CYGB: variants seen among roughly 807,000 people sequenced by gnomAD.
CYGB encodes histoglobin.
Under a neutral mutation model 20.7 loss-of-function variants are expected in CYGB, and 13 were observed. The observed-to-expected ratio is 0.63, with a 90% CI of 0.41 to 1.00. The LOEUF is 1.00. Among genes scored for constraint, CYGB ranks in the 50% least tolerant of loss-of-function variants. The pLI is 0.00. For missense variants in CYGB, 218 were observed against 257.2 expected, an observed-to-expected ratio of 0.85 and a Z score of 1.04; for synonymous variants, 93 against 107.4, an observed-to-expected ratio of 0.87 and a Z score of 0.83.
At chr17:76,529,505 C>T (rs1297729514) in intron 3 of CYGB, 2 of 985,356 alleles carry the variant, frequency 2.0e-6, no homozygotes, top group Non-Finnish European at 2.4e-6. Context: ...GTTTCTGATT[C>T]ACTGGGGCTC....
chr17:76,529,843 C>G (rs947456642), intron 3 of CYGB: 3 of 985,214 alleles, frequency 3.0e-6, no homozygotes, highest in Non-Finnish European at 3.6e-6. Flanking sequence ...CTGTGCACAT[C>G]TGGAGTTGGC....
Position 76,528,891 on chromosome 17 carries a change from T to G in CYGB, c.540-280A>C. On this transcript the variant is annotated intron_variant, in intron 3 of 3. Transcript: ENST00000293230. This position sits in a 1 kb window ranked among gnomAD's most constrained non-coding sequence, Gnocchi z 5.8. ...GTGACATAAACTGGGTAAAAAAGTGTTTCACAAACTGCAAAGCACGATACC... is the reference window on the plus strand; with the variant it reads ...GTGACATAAACTGGGTAAAAAAGTGGTTCACAAACTGCAAAGCACGATACC... The G allele has an allele frequency of 8.3e-7, 1 of 1,209,136 alleles. No individual in the cohort carries two copies. Among genetic ancestry groups the G allele is most frequent in the Middle Eastern group, 3.2e-4 (1 of 3,132 alleles). 74.9% of individuals were successfully genotyped at this position (1,209,136 alleles called of 1,614,324 possible).
chr17:76,531,184 C>T lies in CYGB; in HGVS notation c.376-42G>A. ...GAAGGGGGAGTGAACGCCCGGGCGC[C>T]CTGCGTCCTGCAACCCCCAGGCCCC... is the stretch of plus-strand genomic sequence containing the variant. On this transcript the variant is annotated intron_variant, in intron 2 of 3. Transcript: ENST00000293230. This position sits in a 1 kb window ranked among gnomAD's most constrained non-coding sequence, Gnocchi z 7.4. The T allele has an allele frequency of 1.3e-6, 2 of 1,585,554 alleles. No individual in the cohort carries two copies. Among genetic ancestry groups the T allele is most frequent in the Non-Finnish European group, 1.7e-6 (2 of 1,161,372 alleles).
rs1953042522 is a variant in CYGB at position 76,533,051 on chromosome 17, T to C, written c.144-1360A>G. Among the ~76,000 whole-genome samples the C allele has an allele frequency of 6.6e-6, 1 of 151,742 alleles. No individual in the cohort carries two copies. Among genetic ancestry groups the C allele is most frequent in the African/African-American group, 2.4e-5 (1 of 41,244 alleles). Reference sequence around the variant, plus strand: ...GCGGAAGTAGCCCTTTGGCCAGGAGTCGAGTCTCAGATGTGAGGGCTGGAA... The same window carrying C: ...GCGGAAGTAGCCCTTTGGCCAGGAGCCGAGTCTCAGATGTGAGGGCTGGAA... On this transcript the variant is annotated intron_variant, in intron 1 of 3. Transcript: ENST00000293230. The surrounding 1 kb of genome is among the most constrained non-coding windows in gnomAD (Gnocchi z 4.5).
upstream of CYGB, chr17:76,540,618 A>C (rs760576486): frequency 5.0e-6 from 8 of 1,588,164 alleles, no homozygotes; most frequent in African/African-American, 6.7e-5. The surrounding 1 kb of genome is among the most constrained non-coding windows in gnomAD (Gnocchi z 5.0). Context: ...GCTGCCAAGG[A>C]AGCTGTGGCT....
Position 76,528,676 on chromosome 17 carries a change from A to AG in CYGB, c.540-66dup. On this transcript the variant is annotated intron_variant, in intron 3 of 3. Coordinates refer to ENST00000293230, the MANE Select transcript of CYGB (RefSeq NM_134268.5). The surrounding 1 kb of genome is among the most constrained non-coding windows in gnomAD (Gnocchi z 5.8). The stretch of plus-strand genomic sequence containing the variant: ...AGGCAGGGAAGGACCCTCGGGGGAA[A>AG]GGGGGAGGACCTGGGGCTGGCGAGG... 1 of 1,237,888 alleles carries AG rather than the reference A, an allele frequency of 8.1e-7. No individual in the cohort carries two copies. Among genetic ancestry groups the AG allele is most frequent in the Non-Finnish European group, 1.0e-6 (1 of 976,754 alleles). The allele number at this position is 1,237,888 out of a possible 1,614,324, so 76.7% of individuals were successfully genotyped here.
At chr17:76,540,506 G>T, upstream of CYGB, 2 of 1,613,646 alleles carry the variant, frequency 1.2e-6, no homozygotes, top group Non-Finnish European at 1.7e-6. This position sits in a 1 kb window ranked among gnomAD's most constrained non-coding sequence, Gnocchi z 5.0. Flanking sequence ...CTCCCACAGA[G>T]AGCCCAGCGA....
chr17:76,532,894 G>A (rs1443662819), intron 1 of CYGB, among the ~76,000 whole-genome samples: 1 of 152,188 alleles, frequency 6.6e-6, no homozygotes, highest in East Asian at 1.9e-4. Flanking sequence ...TGAGACATGG[G>A]CACCGACTCA....
intron 1 of CYGB, chr17:76,545,209 C>G (rs957247324): frequency 2.2e-6 from 1 of 456,800 alleles, no homozygotes; most frequent in Admixed American, 2.3e-5. Context: ...ATTTGCAGCT[C>G]CTGCTGCAGA....
At chr17:76,547,134 T>C (rs1269674037) in intron 1 of CYGB, 1 of 152,318 alleles carries the variant, frequency 6.6e-6, no homozygotes. Flanking sequence ...CAGACCAGAC[T>C]CTAGGCCCTG....
intron 3 of CYGB, chr17:76,529,656 C>T (rs2074811037): frequency 1.0e-6 from 1 of 985,250 alleles, no homozygotes; most frequent in African/African-American, 1.7e-5. Flanking sequence ...GGTGGGAGGG[C>T]AGGCAAGCCC....
intron 1 of CYGB, among the ~76,000 whole-genome samples, chr17:76,536,043 T>C (rs2074909839): frequency 6.6e-6 from 1 of 152,164 alleles, no homozygotes; most frequent in Non-Finnish European, 1.5e-5. Flanking sequence ...AATGTGCTTG[T>C]GTGGGTGCCA....
At chr17:76,540,670 T>C, upstream of CYGB, 1 of 1,227,854 alleles carries the variant, frequency 8.1e-7, no homozygotes. The surrounding 1 kb of genome is among the most constrained non-coding windows in gnomAD (Gnocchi z 5.0). Flanking sequence ...TGCGCGCCTG[T>C]GCGTGCACCG....
At chr17:76,540,633 A>T, upstream of CYGB, 1 of 1,544,632 alleles carries the variant, frequency 6.5e-7, no homozygotes, top group Non-Finnish European at 8.9e-7. This position sits in a 1 kb window ranked among gnomAD's most constrained non-coding sequence, Gnocchi z 5.0. Flanking sequence ...GTGGCTGTGC[A>T]TGCCTGGGGG....
At chr17:76,538,415 C>G, upstream of CYGB, 1 of 436,746 alleles carries the variant, frequency 2.3e-6, no homozygotes, top group South Asian at 1.6e-5. Flanking sequence ...GCCTGCGCCC[C>G]CTCTCCTTCC....
chr17:76,541,318 G>C (rs987786278), upstream of CYGB, among the ~76,000 whole-genome samples: 2 of 152,194 alleles, frequency 1.3e-5, no homozygotes, highest in African/African-American at 4.8e-5. Context: ...TCTGAAGAGT[G>C]ACTTTTTTGC....
chr17:76,536,277 C>T (rs1000985664), intron 1 of CYGB, among the ~76,000 whole-genome samples: 3 of 152,166 alleles, frequency 2.0e-5, no homozygotes, highest in Non-Finnish European at 4.4e-5. Context: ...GGAGCTGGGT[C>T]GGTCCCAGGC....
At position 76,530,869 on chromosome 17, in the gene CYGB, G is replaced by T. The variant is rs764115111; in HGVS notation, c.539+110C>A. The T allele has an allele frequency of 8.0e-5, 103 of 1,285,222 alleles. No individual in the cohort carries two copies. Among genetic ancestry groups the T allele is most frequent in the Non-Finnish European group, 1.1e-4 (101 of 951,534 alleles). 79.6% of individuals were successfully genotyped at this position (1,285,222 alleles called of 1,614,324 possible). On this transcript the variant is annotated intron_variant, in intron 3 of 3. Coordinates refer to ENST00000293230, the MANE Select transcript of CYGB (RefSeq NM_134268.5). This position sits in a 1 kb window ranked among gnomAD's most constrained non-coding sequence, Gnocchi z 6.1. ...ACCCCAGGGTTGGCCTGCCTCAAGT[G>T]TGCCTGCCCAGGTGATCAGCCCCAG...
rs1416887765 is a variant in CYGB, at chr17:76,528,549, T to C, written c.*29A>G. On this transcript the variant is annotated 3_prime_UTR_variant, in exon 4 of 4. Transcript: ENST00000293230. The surrounding 1 kb of genome is among the most constrained non-coding windows in gnomAD (Gnocchi z 5.8). Reference sequence around the variant, plus strand: ...GAACTCGGCCTTCTGCTCGAGGTGCTGCCAGGGAGGGGGGTGGAGTTAGGG... The same window carrying C: ...GAACTCGGCCTTCTGCTCGAGGTGCCGCCAGGGAGGGGGGTGGAGTTAGGG... 1 of 1,264,890 alleles carries C rather than the reference T, an allele frequency of 7.9e-7. No homozygotes were observed. The highest frequency in any genetic ancestry group is 1.0e-6 in the Non-Finnish European group (1 of 994,342). 78.4% of individuals were successfully genotyped at this position (1,264,890 alleles called of 1,614,324 possible). A position where few individuals can be genotyped will look rare whatever the true frequency, so the allele number is the denominator to read the frequency against.
Sources: allele counts gnomAD v4.1 joint callset (sites outside exome capture counted in the v4.1 genomes callset), GRCh38; gene constraint gnomAD v4.1.1; non-coding constraint Gnocchi (gnomAD v3.1); transcripts MANE v1.5; gene names NCBI Gene and HGNC (gene_info 2026-07-23, HGNC 2026-07-21).